DNM2: variants seen among roughly 807,000 people sequenced by gnomAD.
DNM2 encodes dynamin-2.
Under a neutral mutation model 99.0 loss-of-function variants are expected in DNM2, and 15 were observed. The ratio of observed to expected loss-of-function variants is 0.15; its 90% CI spans 0.10 to 0.23. The LOEUF is 0.23. Ranked by LOEUF, DNM2 falls within the 10% of genes least tolerant of loss-of-function variation. The probability of loss-of-function intolerance (pLI) is 1.00; values close to 1 mark genes in which losing one functional copy is unlikely to be tolerated. For synonymous variants in DNM2, 525 were observed against 481.2 expected, an observed-to-expected ratio of 1.09 and a Z score of -1.19; for missense variants, 742 against 1,189.4, an observed-to-expected ratio of 0.62 and a Z score of 5.53.
intron 1 of DNM2, among the ~76,000 whole-genome samples, chr19:10,758,647 A>C (rs1308103004): frequency 6.7e-6 from 1 of 149,824 alleles, no homozygotes; most frequent in Admixed American, 6.7e-5. Flanking sequence ...CCTGGGTTCA[A>C]GCGATTCTCC....
At chr19:10,753,100 G>A (rs1337890853) in intron 1 of DNM2, among the ~76,000 whole-genome samples, 4 of 152,148 alleles carry the variant, frequency 2.6e-5, no homozygotes, top group African/African-American at 9.7e-5. Flanking sequence ...CTCCAGCCAG[G>A]GCAGCAGAGT....
intron 6 of DNM2, among the ~76,000 whole-genome samples, chr19:10,785,393 C>G (rs2071526383): frequency 6.6e-6 from 1 of 151,816 alleles, no homozygotes; most frequent in Non-Finnish European, 1.5e-5. Context: ...TCCCAAAGTG[C>G]TGGAATTACA....
chr19:10,758,911 A>T (rs945432884), intron 1 of DNM2, among the ~76,000 whole-genome samples: 1 of 151,882 alleles, frequency 6.6e-6, no homozygotes. Context: ...AAATCGATCC[A>T]TTTCAGAATT....
intron 1 of DNM2, among the ~76,000 whole-genome samples, chr19:10,746,680 A>G (rs2069984646): frequency 6.6e-6 from 1 of 150,984 alleles, no homozygotes; most frequent in Non-Finnish European, 1.5e-5. Flanking sequence ...TCGGTCTCCC[A>G]AAGTGCCGGG....
chr19:10,727,883 G>T (rs1457782080), intron 1 of DNM2, among the ~76,000 whole-genome samples: 1 of 152,166 alleles, frequency 6.6e-6, no homozygotes, highest in Non-Finnish European at 1.5e-5. Context: ...TACTGGGATT[G>T]CCAACTACAA....
chr19:10,772,979 G>GTTTTTT lies in DNM2; in HGVS notation c.385+364_385+369dup, dbSNP rs370019989. Reference sequence around the variant, plus strand: ...ACCAGTCTTCTGTAAAATATCCTGGGTTTTTTTTTTTTTTTTTTGAGACAG... The same window carrying GTTTTTT: ...ACCAGTCTTCTGTAAAATATCCTGGGTTTTTTTTTTTTTTTTTTTTTTTTGAGACAG... On this transcript the variant is annotated intron_variant, in intron 3 of 20. Transcript: ENST00000389253. This position sits in a 1 kb window ranked among gnomAD's most constrained non-coding sequence, Gnocchi z 4.9. Among the ~76,000 whole-genome samples the GTTTTTT allele has an allele frequency of 2.4e-5, 3 of 123,934 alleles. No individual in the cohort carries two copies. In the South Asian group the frequency reaches 7.7e-4, roughly 32 times the overall value. The allele number at this position is 123,934 out of a possible 152,430, so 81.3% of individuals were successfully genotyped here.
At chr19:10,724,040 C>T (rs1400978016) in intron 1 of DNM2, among the ~76,000 whole-genome samples, 1 of 150,530 alleles carries the variant, frequency 6.6e-6, no homozygotes, top group African/African-American at 2.5e-5. Flanking sequence ...GCTCTGATCA[C>T]GCTACTGCCT....
chr19:10,800,684 G>C (rs1345278852), intron 11 of DNM2, among the ~76,000 whole-genome samples: 2 of 152,266 alleles, frequency 1.3e-5, no homozygotes, highest in Non-Finnish European at 2.9e-5. Context: ...AGGGCCAGGG[G>C]AGTCCAGTGA....
In DNM2 at chr19:10,820,201, T is replaced by C. The variant is rs1049510054; in HGVS notation, c.1781+112T>C. 3 of 1,030,684 alleles carry C rather than the reference T, an allele frequency of 2.9e-6. No homozygotes were observed. The Admixed American group carries it at 5.7e-5, about 20-fold the overall frequency. The allele number at this position is 1,030,684 out of a possible 1,614,324, so 63.8% of individuals were successfully genotyped here. ...CCTGGCTGTCAGCAGTCCCTGCCCT[T>C]GGGACCCAGCTTTTAGAAAGGGGAG... On this transcript the variant is annotated intron_variant, in intron 16 of 20. Transcript: ENST00000389253. This position sits in a 1 kb window ranked among gnomAD's most constrained non-coding sequence, Gnocchi z 4.3.
chr19:10,824,893 G>A, intron 17 of DNM2, 164 bp from the exon 18 acceptor site: 1 of 1,052,398 alleles, frequency 9.5e-7, no homozygotes. Context: ...CCATTGTTTG[G>A]GCAGCTCTGG....
chr19:10,828,479 T>C lies in DNM2; in HGVS notation c.2059-557T>C, dbSNP rs561275001. Among the ~76,000 whole-genome samples, 126 of 151,418 alleles carry C rather than the reference T, an allele frequency of 8.3e-4. No individual in the cohort carries two copies. The Middle Eastern group carries it at 0.014, about 16-fold the overall frequency. ...GCAGGCGCCTGTAGTCCCAGCTACT[T>C]GGGAGACTGAGGCAGGAGAATGGCA... On this transcript the variant is annotated intron_variant, in intron 18 of 20. Coordinates refer to ENST00000389253, the MANE Select transcript of DNM2 (RefSeq NM_001005361.3).
At chr19:10,827,523 C>T (rs530503320) in intron 18 of DNM2, among the ~76,000 whole-genome samples, 29 of 151,756 alleles carry the variant, frequency 1.9e-4, no homozygotes, top group Non-Finnish European at 3.7e-4. Flanking sequence ...GAGCAAAGAT[C>T]GCTCCACTGC....
chr19:10,772,696 G>A lies in DNM2; in HGVS notation c.385+68G>A, dbSNP rs1291283820. The A allele has an allele frequency of 1.2e-6, 2 of 1,604,522 alleles. No homozygotes were observed. Among genetic ancestry groups the A allele is most frequent in the Non-Finnish European group, 1.7e-6 (2 of 1,175,396 alleles). ...CGTTCATGGACAGTGCTATGGGTGA[G>A]CCTGTGTACTTCCACTCATGGGTAT... On this transcript the variant is annotated intron_variant, in intron 3 of 20. Coordinates refer to ENST00000389253, the MANE Select transcript of DNM2 (RefSeq NM_001005361.3). This position sits in a 1 kb window ranked among gnomAD's most constrained non-coding sequence, Gnocchi z 4.9.
At chr19:10,782,215 G>T (rs929918871) in intron 5 of DNM2, among the ~76,000 whole-genome samples, 1 of 152,070 alleles carries the variant, frequency 6.6e-6, no homozygotes, top group Admixed American at 6.6e-5. Flanking sequence ...GTATATTTTT[G>T]TAGAGATGGG....
intron 1 of DNM2, among the ~76,000 whole-genome samples, chr19:10,719,022 G>C (rs546561383): frequency 1.3e-5 from 2 of 152,274 alleles, no homozygotes; most frequent in East Asian, 3.9e-4. Flanking sequence ...CAGTCCCTCT[G>C]TTGGGTGACA....
chr19:10,807,924 C>G (rs548050005), intron 13 of DNM2, among the ~76,000 whole-genome samples: 2 of 151,138 alleles, frequency 1.3e-5, no homozygotes, highest in East Asian at 2.0e-4. Flanking sequence ...GGGCGGATCA[C>G]CTGAGGTCAA....
intron 7 of DNM2, among the ~76,000 whole-genome samples, chr19:10,792,063 G>T (rs561591320): frequency 2.0e-5 from 3 of 152,252 alleles, no homozygotes; most frequent in East Asian, 3.9e-4. Context: ...GCTCCAGCTT[G>T]GGCGACAGAG....
At chr19:10,781,249 C>T (rs2071360079) in intron 5 of DNM2, 1 of 152,222 alleles carries the variant, frequency 6.6e-6, no homozygotes, top group Non-Finnish European at 1.5e-5. Context: ...CCTGCTGTTT[C>T]CTTCTTTGTG....
At chr19:10,827,087 T>G (rs1161690158) in intron 18 of DNM2, among the ~76,000 whole-genome samples, 1 of 151,976 alleles carries the variant, frequency 6.6e-6, no homozygotes, top group Non-Finnish European at 1.5e-5. Context: ...CCATCCCTAT[T>G]TAAAACACAC....
Sources: gnomAD v4.1 joint callset for allele counts (sites outside exome capture counted in the v4.1 genomes callset) on GRCh38, gnomAD v4.1.1 for gene constraint, Gnocchi (gnomAD v3.1) non-coding constraint, MANE v1.5 for transcripts, NCBI Gene and HGNC (gene_info 2026-07-23, HGNC 2026-07-21) for gene names.